NR2C2: variants seen among roughly 807,000 people sequenced by gnomAD.
NR2C2 encodes the protein Nuclear hormone receptor TR4.
Under a neutral mutation model 62.9 loss-of-function variants are expected in NR2C2, and 6 were observed. The ratio of observed to expected loss-of-function variants is 0.10; its 90% confidence interval spans 0.05 to 0.19. The LOEUF (loss-of-function observed/expected upper bound fraction) is 0.19. NR2C2 is among the 10% of genes least tolerant of loss of function. The probability of loss-of-function intolerance (pLI) is 1.00; values close to 1 mark genes in which losing one functional copy is unlikely to be tolerated. For missense variants in NR2C2, 479 were observed against 762.7 expected (o/e 0.63, Z 4.38); for synonymous variants, 272 against 273.8 (o/e 0.99, Z 0.07).
chr3:15,016,090 C>G, intron 3 of NR2C2, 62 bp from the exon 4 acceptor site: 1 of 1,309,692 alleles, frequency 7.6e-7, no homozygotes, highest in Non-Finnish European at 1.1e-6. Context: ...ACGTGAGCCA[C>G]CGTGCCCGGC....
Position 14,957,972 on chromosome 3 carries a change from T to C in NR2C2, c.-40+10066T>C, listed in dbSNP as rs975302182. Among the ~76,000 whole-genome samples the C allele has an allele frequency of 2.6e-5, 4 of 152,218 alleles. No individual in the cohort carries two copies. The South Asian group carries it at 8.3e-4, about 32-fold the overall frequency. ...CACTCTTCCTCATACCTGCCAGTTT[T>C]GTATGAGCTGTCCTCTCTGCTTAGA... On this transcript the variant is annotated intron_variant, in intron 1 of 13. Transcript: ENST00000425241.
intron 12 of NR2C2, 104 bp downstream of exon 12, chr3:15,038,241 T>C (rs545392080): frequency 7.4e-6 from 9 of 1,220,248 alleles, no homozygotes; most frequent in South Asian, 6.3e-5. Context: ...GCCCTGCAGA[T>C]TGTATGTGAC....
At chr3:15,017,056 A>T (rs1575010199) in intron 4 of NR2C2, among the ~76,000 whole-genome samples, 1 of 152,136 alleles carries the variant, frequency 6.6e-6, no homozygotes, top group South Asian at 2.1e-4. Flanking sequence ...GCTTGGTTCC[A>T]CTTTCTTCTG....
intron 1 of NR2C2, among the ~76,000 whole-genome samples, chr3:14,975,830 T>C (rs554787210): frequency 1.2e-4 from 19 of 152,338 alleles, no homozygotes; most frequent in African/African-American, 4.6e-4. Context: ...AGTGAAGCCA[T>C]GTGGTCCAGG....
chr3:15,024,090 C>CT, intron 6 of NR2C2, 25 bp from the exon 7 acceptor site: 1 of 1,528,296 alleles, frequency 6.5e-7, no homozygotes, highest in Non-Finnish European at 9.1e-7. Context: ...GGAAGCTACT[C>CT]TGAGTTTCTT....
At chr3:14,958,677 G>T (rs1302857946) in intron 1 of NR2C2, among the ~76,000 whole-genome samples, 9 of 152,012 alleles carry the variant, frequency 5.9e-5, no homozygotes, top group Admixed American at 2.0e-4. Context: ...GGATTTTTTT[G>T]TTGTTGTTGT....
intron 1 of NR2C2, among the ~76,000 whole-genome samples, chr3:14,968,249 G>A (rs1373724198): frequency 6.6e-6 from 1 of 151,980 alleles, no homozygotes; most frequent in Admixed American, 6.6e-5. Context: ...TCTGACAAAG[G>A]GCTAATATCC....
intron 2 of NR2C2, among the ~76,000 whole-genome samples, chr3:15,008,618 C>T (rs2041259122): frequency 6.6e-6 from 1 of 151,888 alleles, no homozygotes; most frequent in African/African-American, 2.4e-5. Context: ...CTCTTCTTTG[C>T]AACAGAGATG....
chr3:15,037,209 TTGTGTG>T (rs373045181), intron 11 of NR2C2, among the ~76,000 whole-genome samples: 53 of 130,298 alleles, frequency 4.1e-4, no homozygotes, highest in Admixed American at 1.1e-3. Context: ...TGTTTTTTGT[TTGTGTG>T]TGTGTGTGTG....
chr3:15,003,607 T>TA (rs919420132), intron 1 of NR2C2, among the ~76,000 whole-genome samples: 2 of 152,250 alleles, frequency 1.3e-5, no homozygotes, highest in African/African-American at 4.8e-5. Flanking sequence ...TTTACTTTAT[T>TA]AAAGTGTGCA....
intron 1 of NR2C2, among the ~76,000 whole-genome samples, chr3:14,951,843 G>A (rs1336117404): frequency 1.3e-5 from 2 of 152,076 alleles, no homozygotes; most frequent in African/African-American, 4.8e-5. Flanking sequence ...TGCCTCCTGG[G>A]TTCACGCCAT....
At chr3:14,968,100 T>A (rs1418542287) in intron 1 of NR2C2, among the ~76,000 whole-genome samples, 4 of 152,084 alleles carry the variant, frequency 2.6e-5, no homozygotes, top group Non-Finnish European at 5.9e-5. Context: ...TGTCTAAAAC[T>A]CCAAAAGCAA....
chr3:14,991,579 C>A (rs902686070), intron 1 of NR2C2, among the ~76,000 whole-genome samples: 1 of 152,110 alleles, frequency 6.6e-6, no homozygotes, highest in Non-Finnish European at 1.5e-5. Flanking sequence ...ATTTGTAACA[C>A]TAGATCTGCA....
intron 1 of NR2C2, among the ~76,000 whole-genome samples, chr3:14,993,320 G>C (rs1372735185): frequency 6.6e-6 from 1 of 152,032 alleles, no homozygotes; most frequent in Non-Finnish European, 1.5e-5. Context: ...CGGGCATGGT[G>C]GTGGGTGCCT....
At chr3:14,965,645 T>TTTTTG (rs1177429159) in intron 1 of NR2C2, among the ~76,000 whole-genome samples, 1 of 151,268 alleles carries the variant, frequency 6.6e-6, no homozygotes, top group African/African-American at 2.4e-5. Context: ...TTGCTGTTTT[T>TTTTTG]TTTGTTTGTT....
At chr3:15,042,594 G>C (rs1163325895) in intron 13 of NR2C2, 1 of 383,382 alleles carries the variant, frequency 2.6e-6, no homozygotes, top group Non-Finnish European at 4.7e-6. Flanking sequence ...GGGGTGAGGA[G>C]AGTTGGAATA....
At chr3:14,979,373 C>T (rs2040297874) in intron 1 of NR2C2, among the ~76,000 whole-genome samples, 1 of 152,184 alleles carries the variant, frequency 6.6e-6, no homozygotes, top group African/African-American at 2.4e-5. Flanking sequence ...TTAAGGAGTG[C>T]TTACTGTGTA....
intron 9 of NR2C2, 135 bp from the exon 10 acceptor site, chr3:15,032,244 C>T (rs1283459345): frequency 1.6e-6 from 2 of 1,214,574 alleles, no homozygotes; most frequent in African/African-American, 1.5e-5. Flanking sequence ...AGCCCCCCGA[C>T]TGCATGGGAC....
At chr3:14,966,161 TAGTC>T (rs1239268903) in intron 1 of NR2C2, among the ~76,000 whole-genome samples, 6 of 152,188 alleles carry the variant, frequency 3.9e-5, no homozygotes, top group Non-Finnish European at 5.9e-5. Context: ...AGATAATTAA[TAGTC>T]AGTTTTGGAT....
Sources: allele counts gnomAD v4.1 joint callset (sites outside exome capture counted in the v4.1 genomes callset), GRCh38; gene constraint gnomAD v4.1.1; transcripts MANE v1.5; gene names NCBI Gene and HGNC (gene_info 2026-07-23, HGNC 2026-07-21).